The following MACROD2 variants were observed in gnomAD, a reference collection of about 807,000 sequenced individuals.
The protein encoded by MACROD2 is mono-ADP ribosylhydrolase 2.
In MACROD2, 36 loss-of-function variants were observed where a neutral mutation model predicts 70.4. That is an observed-to-expected ratio of 0.51 (90% CI 0.39 to 0.68). MACROD2 has a LOEUF of 0.68. MACROD2 is among the 30% of genes least tolerant of loss of function. MACROD2 has a pLI of 0.00. For synonymous variants in MACROD2, 172 were observed against 178.8 expected, an observed-to-expected ratio of 0.96 and a Z score of 0.30; for missense variants, 496 against 538.4, an observed-to-expected ratio of 0.92 and a Z score of 0.78.
chr20:14,959,173 C>T (rs548534123), intron 5 of MACROD2, among the ~76,000 whole-genome samples: 7 of 152,164 alleles, frequency 4.6e-5, no homozygotes, highest in Non-Finnish European at 1.0e-4. Flanking sequence ...CTCTTGTTGC[C>T]CAGGCTGGAG....
chr20:14,558,393 A>G (rs1486257362), intron 4 of MACROD2, among the ~76,000 whole-genome samples: 1 of 151,848 alleles, frequency 6.6e-6, no homozygotes, highest in Non-Finnish European at 1.5e-5. Context: ...ATTAAAAGAC[A>G]GATTTTGACA....
At chr20:14,317,114 T>C (rs2082618421) in intron 3 of MACROD2, among the ~76,000 whole-genome samples, 1 of 152,170 alleles carries the variant, frequency 6.6e-6, no homozygotes, top group Non-Finnish European at 1.5e-5. Flanking sequence ...GATTTCCTAT[T>C]TGCAACTTTA....
At chr20:15,592,212 A>G (rs2048689602) in intron 8 of MACROD2, among the ~76,000 whole-genome samples, 1 of 152,240 alleles carries the variant, frequency 6.6e-6, no homozygotes, top group South Asian at 2.1e-4. Flanking sequence ...ACTAAATGAG[A>G]CAATATGTGT....
At chr20:14,582,406 C>A (rs181160595) in intron 4 of MACROD2, among the ~76,000 whole-genome samples, 21 of 152,198 alleles carry the variant, frequency 1.4e-4, no homozygotes, top group Admixed American at 4.6e-4. Flanking sequence ...CCCTTATTAT[C>A]CTCTGTGAGT....
At chr20:15,476,546 A>G (rs1010080379) in intron 7 of MACROD2, among the ~76,000 whole-genome samples, 5 of 146,768 alleles carry the variant, frequency 3.4e-5, no homozygotes, top group Non-Finnish European at 5.9e-5. Context: ...TGGTTTTCCA[A>G]TTTTAAAACT....
chr20:14,177,928 T>G (rs2081275929), intron 3 of MACROD2, among the ~76,000 whole-genome samples: 1 of 152,202 alleles, frequency 6.6e-6, no homozygotes, highest in African/African-American at 2.4e-5. Flanking sequence ...CATTTTTCTT[T>G]AAATTTTGTA....
chr20:15,894,110 T>C, intron 10 of MACROD2: 1 of 365,880 alleles, frequency 2.7e-6, no homozygotes, highest in East Asian at 7.3e-5. Context: ...TGCTGGGTGC[T>C]GTCAGCTTAC....
chr20:14,133,795 T>G (rs2148701106), intron 3 of MACROD2, among the ~76,000 whole-genome samples: 1 of 152,336 alleles, frequency 6.6e-6, no homozygotes, highest in South Asian at 2.1e-4. Context: ...TTGCCCCAAC[T>G]TCTGGGAATA....
intron 7 of MACROD2, among the ~76,000 whole-genome samples, chr20:15,445,964 C>T (rs2046560367): frequency 6.6e-6 from 1 of 152,132 alleles, no homozygotes; most frequent in African/African-American, 2.4e-5. Flanking sequence ...ACTGTAGTTC[C>T]AAGCTTCCTC....
intron 3 of MACROD2, among the ~76,000 whole-genome samples, chr20:14,128,547 A>T (rs1166010312): frequency 6.6e-6 from 1 of 152,220 alleles, no homozygotes; most frequent in East Asian, 1.9e-4. Flanking sequence ...GTTATCCAGA[A>T]GACCTAGGTA....
At chr20:14,466,943 T>C (rs2084458867) in intron 3 of MACROD2, among the ~76,000 whole-genome samples, 1 of 152,132 alleles carries the variant, frequency 6.6e-6, no homozygotes, top group African/African-American at 2.4e-5. Flanking sequence ...AGTCCGCCCC[T>C]ACTCGGGGGT....
chr20:14,955,499 G>A (rs1047118433), intron 5 of MACROD2, among the ~76,000 whole-genome samples: 1 of 151,554 alleles, frequency 6.6e-6, no homozygotes, highest in Non-Finnish European at 1.5e-5. Flanking sequence ...GCCATCAAGT[G>A]TGTATTCATG....
intron 3 of MACROD2, among the ~76,000 whole-genome samples, chr20:14,102,813 T>C (rs2054317807): frequency 6.6e-6 from 1 of 151,992 alleles, no homozygotes; most frequent in African/African-American, 2.4e-5. Flanking sequence ...TGGGAATATT[T>C]GGGGATATAG....
At chr20:15,725,824 T>C (rs2050853126) in intron 8 of MACROD2, among the ~76,000 whole-genome samples, 1 of 151,908 alleles carries the variant, frequency 6.6e-6, no homozygotes, top group Admixed American at 6.6e-5. Flanking sequence ...ATATGAATAC[T>C]GAAATTTTAT....
chr20:14,360,104 C>T (rs1053815953), intron 3 of MACROD2, among the ~76,000 whole-genome samples: 2 of 141,428 alleles, frequency 1.4e-5, no homozygotes, highest in African/African-American at 5.4e-5. Flanking sequence ...GCTTGCTGGG[C>T]ACAGGGTGGT....
intron 3 of MACROD2, among the ~76,000 whole-genome samples, chr20:14,260,760 ATCCCT>A (rs2082095016): frequency 6.6e-6 from 1 of 152,210 alleles, no homozygotes; most frequent in African/African-American, 2.4e-5. Context: ...CATTTTAATA[ATCCCT>A]ATCTTATATG....
At chr20:14,702,980 G>T (rs1182436035) in intron 5 of MACROD2, among the ~76,000 whole-genome samples, 3 of 151,526 alleles carry the variant, frequency 2.0e-5, no homozygotes, top group Admixed American at 6.6e-5. Flanking sequence ...TGCCCGCCTT[G>T]GTCTCCCAAA....
chr20:15,683,555 A>G (rs188992721), intron 8 of MACROD2, among the ~76,000 whole-genome samples: 220 of 152,210 alleles, frequency 1.4e-3, no homozygotes, highest in African/African-American at 5.1e-3. Flanking sequence ...AGAGCAAGTC[A>G]TTTACCATCC....
At chr20:15,894,075 C>A (rs2064932470) in intron 10 of MACROD2, 1 of 389,270 alleles carries the variant, frequency 2.6e-6, no homozygotes, top group Non-Finnish European at 5.1e-6. Context: ...GAACATGATG[C>A]CACAGGGGTT....
Sources: gnomAD v4.1 joint callset for allele counts (sites outside exome capture counted in the v4.1 genomes callset) on GRCh38, gnomAD v4.1.1 for gene constraint, MANE v1.5 for transcripts, NCBI Gene and HGNC (gene_info 2026-07-23, HGNC 2026-07-21) for gene names.